LSAMP: variants seen among roughly 807,000 people sequenced by gnomAD.
The protein encoded by LSAMP is limbic system-associated membrane protein.
A neutral mutation model predicts 38.6 loss-of-function variants in LSAMP; 7 were observed. The ratio of observed to expected loss-of-function variants is 0.18; its 90% confidence interval spans 0.10 to 0.34. LSAMP has a LOEUF of 0.34. Ranked by LOEUF, LSAMP falls within the 10% of genes least tolerant of loss-of-function variation. The pLI, the probability that LSAMP is intolerant of heterozygous loss-of-function variation, is 1.00. For missense variants in LSAMP, 313 were observed against 420.0 expected (o/e 0.75, Z 2.23); for synonymous variants, 154 against 166.8 (o/e 0.92, Z 0.59).
intron 1 of LSAMP, among the ~76,000 whole-genome samples, chr3:116,401,670 CT>C (rs900377267): frequency 6.6e-6 from 1 of 152,144 alleles, no homozygotes; most frequent in African/African-American, 2.4e-5. Context: ...GCTTCTGACT[CT>C]TTTTTTGCAC....
At chr3:115,816,684 A>G in intron 6 of LSAMP, 2 of 1,205,728 alleles carry the variant, frequency 1.7e-6, no homozygotes, top group Non-Finnish European at 2.2e-6. Flanking sequence ...AAAACAAATA[A>G]AAAATCTTTA....
chr3:116,441,766 C>T (rs895221519), intron 1 of LSAMP, among the ~76,000 whole-genome samples: 3 of 152,144 alleles, frequency 2.0e-5, no homozygotes, highest in South Asian at 2.1e-4. Flanking sequence ...TGAAGTCCTG[C>T]GGATAAGCGT....
intron 1 of LSAMP, among the ~76,000 whole-genome samples, chr3:116,412,732 G>A (rs1388030642): frequency 1.3e-5 from 2 of 151,978 alleles, no homozygotes; most frequent in Non-Finnish European, 2.9e-5. Flanking sequence ...CATCGTTATG[G>A]TTTGGTGACT....
chr3:116,274,051 A>G (rs567229781), intron 1 of LSAMP, among the ~76,000 whole-genome samples: 74 of 144,782 alleles, frequency 5.1e-4, no homozygotes, highest in African/African-American at 1.7e-3. Flanking sequence ...TTACCTCTTC[A>G]TTATAAATTA....
intron 1 of LSAMP, among the ~76,000 whole-genome samples, chr3:116,277,778 G>T (rs1035566826): frequency 4.3e-4 from 65 of 152,184 alleles, no homozygotes; most frequent in African/African-American, 1.5e-3. Context: ...TGTAAAGGTT[G>T]TGGCTGTCCC....
intron 1 of LSAMP, among the ~76,000 whole-genome samples, chr3:116,112,161 G>T (rs1483025336): frequency 6.6e-6 from 1 of 152,194 alleles, no homozygotes; most frequent in Non-Finnish European, 1.5e-5. Context: ...CTATAACAGA[G>T]AAATTAGAGT....
chr3:115,957,281 C>T (rs934604472), intron 3 of LSAMP, among the ~76,000 whole-genome samples: 2 of 152,212 alleles, frequency 1.3e-5, no homozygotes, highest in African/African-American at 4.8e-5. Flanking sequence ...ACATCCATCT[C>T]CAAGGGCTAA....
intron 1 of LSAMP, among the ~76,000 whole-genome samples, chr3:116,252,741 T>G (rs2046700827): frequency 1.3e-5 from 2 of 152,226 alleles, no homozygotes; most frequent in Non-Finnish European, 2.9e-5. Context: ...TTAACAGGCA[T>G]TCAACTCTAC....
intron 3 of LSAMP, among the ~76,000 whole-genome samples, chr3:115,948,367 C>T (rs1005649543): frequency 2.0e-5 from 3 of 152,008 alleles, no homozygotes; most frequent in Non-Finnish European, 2.9e-5. Flanking sequence ...CCAAAATAGA[C>T]CATATGATAG....
chr3:116,116,112 C>T (rs112542265), intron 1 of LSAMP, among the ~76,000 whole-genome samples: 23 of 143,378 alleles, frequency 1.6e-4, no homozygotes, highest in African/African-American at 6.0e-4. Flanking sequence ...CTTCTATTTT[C>T]CTTTTTTTTT....
At chr3:116,066,457 T>A (rs956014973) in intron 2 of LSAMP, among the ~76,000 whole-genome samples, 1 of 152,228 alleles carries the variant, frequency 6.6e-6, no homozygotes, top group Non-Finnish European at 1.5e-5. Flanking sequence ...TTGTAAACTC[T>A]TTATTGTTCT....
At chr3:116,086,245 T>C in intron 2 of LSAMP, 79 bp downstream of exon 2, 1 of 1,086,420 alleles carries the variant, frequency 9.2e-7, no homozygotes. Flanking sequence ...TCAGGAAGGA[T>C]TCTGCAAATA....
chr3:116,261,427 A>G (rs1199926902), intron 1 of LSAMP, among the ~76,000 whole-genome samples: 1 of 152,078 alleles, frequency 6.6e-6, no homozygotes, highest in Non-Finnish European at 1.5e-5. Context: ...CATTTTTATT[A>G]TCTTGGCATC....
intron 1 of LSAMP, among the ~76,000 whole-genome samples, chr3:116,102,527 C>T (rs749069693): frequency 1.3e-5 from 2 of 152,164 alleles, no homozygotes; most frequent in Non-Finnish European, 2.9e-5. Flanking sequence ...GATTGATCTT[C>T]CCAAATGTGG....
At chr3:116,334,107 C>A (rs1395163120) in intron 1 of LSAMP, among the ~76,000 whole-genome samples, 3 of 151,860 alleles carry the variant, frequency 2.0e-5, no homozygotes, top group Non-Finnish European at 4.4e-5. Flanking sequence ...GAAGTCAATA[C>A]TATTAACAAT....
At chr3:116,121,368 A>G (rs1166104780) in intron 1 of LSAMP, among the ~76,000 whole-genome samples, 1 of 152,214 alleles carries the variant, frequency 6.6e-6, no homozygotes, top group Non-Finnish European at 1.5e-5. Flanking sequence ...TTCTTGAGTA[A>G]GTTCCTAGCG....
chr3:115,892,737 G>A (rs1427862943), intron 3 of LSAMP, among the ~76,000 whole-genome samples: 1 of 151,066 alleles, frequency 6.6e-6, no homozygotes, highest in Non-Finnish European at 1.5e-5. Flanking sequence ...TATAAACAGA[G>A]GATATAGCTA....
At chr3:116,328,090 C>T (rs182764364) in intron 1 of LSAMP, among the ~76,000 whole-genome samples, 3 of 152,228 alleles carry the variant, frequency 2.0e-5, no homozygotes, top group East Asian at 3.9e-4. Flanking sequence ...GTGTTTAGGC[C>T]TGCTTCTCTA....
chr3:116,284,386 A>G (rs1479819427), intron 1 of LSAMP, among the ~76,000 whole-genome samples: 5 of 152,230 alleles, frequency 3.3e-5, no homozygotes, highest in Non-Finnish European at 7.3e-5. Context: ...TTTTAAAAAT[A>G]ATTTTTGTCT....
Sources: gnomAD v4.1 joint callset for allele counts (sites outside exome capture counted in the v4.1 genomes callset) on GRCh38, gnomAD v4.1.1 for gene constraint, MANE v1.5 for transcripts, NCBI Gene and HGNC (gene_info 2026-07-23, HGNC 2026-07-21) for gene names.